USP49: variants seen among roughly 807,000 people sequenced by gnomAD.
The protein encoded by USP49 is ubiquitin specific peptidase 49.
In USP49, 24 loss-of-function variants were observed where a neutral mutation model predicts 58.6. That is an observed-to-expected ratio of 0.41 (90% CI 0.30 to 0.58). The LOEUF (loss-of-function observed/expected upper bound fraction) is 0.58, where lower values mean the gene tolerates loss of function less well. USP49 is among the 20% of genes least tolerant of loss of function. USP49 has a pLI of 0.30. For missense variants in USP49, 703 were observed against 866.1 expected (o/e 0.81, Z 2.36); for synonymous variants, 408 against 365.1 (o/e 1.12, Z -1.34).
intron 3 of USP49, among the ~76,000 whole-genome samples, chr6:41,821,740 C>T (rs1773456596): frequency 6.6e-6 from 1 of 152,122 alleles, no homozygotes; most frequent in Non-Finnish European, 1.5e-5. Flanking sequence ...CACCACTGCA[C>T]TCCTGATTTT....
In USP49 at chr6:41,817,150, C is replaced by CTTTTTTTTTTTT. The variant is rs34281670; in HGVS notation, c.-28-10151_-28-10140dup. 7.0e-3 allele frequency among the ~76,000 whole-genome samples: 734 copies of CTTTTTTTTTTTT among 104,290 alleles called. 83 individuals are homozygous for CTTTTTTTTTTTT. The highest frequency in any genetic ancestry group is 0.031 in the African/African-American group (697 of 22,510). 68.4% of individuals were successfully genotyped at this position (104,290 alleles called of 152,430 possible). ...CCACCACGCCTGGCTCCCACGCATG[C>CTTTTTTTTTTTT]TTTTTTTTTTTTTTTTTGAGACAGA... On this transcript the variant is annotated intron_variant, in intron 3 of 7. Coordinates refer to ENST00000682992, the MANE Select transcript of USP49 (RefSeq NM_001286554.2).
rs142908633 is a variant in USP49 at position 41,798,824 on chromosome 6, G to C, written c.1776C>G (p.Asp592Glu). ...YCCRDMLSSLDKETFAYDLSA... is the reference protein window; with the variant it reads ...YCCRDMLSSLEKETFAYDLSA... Reference sequence around the variant, plus strand: ...AGAGATCATAGGCAAAGGTCTCTTTGTCAAGAGAGGAGAGCATGTCCCTGC... The same window carrying C: ...AGAGATCATAGGCAAAGGTCTCTTTCTCAAGAGAGGAGAGCATGTCCCTGC... The change falls in exon 7 of 8, where the codon GAC (aspartate) becomes GAG (glutamate). Residue 592 changes from aspartate to glutamate, a missense_variant. Asp to Glu is a conservative substitution (Grantham distance 45). This residue lies in a region of USP49 where 158 missense variants were observed against 241.2 expected (regional missense o/e 0.66). Coordinates refer to ENST00000682992, the MANE Select transcript of USP49 (RefSeq NM_001286554.2). 4.0e-5 allele frequency: 65 copies of C among 1,613,812 alleles called. No individual in the cohort carries two copies. The highest frequency in any genetic ancestry group is 5.4e-5 in the Non-Finnish European group (64 of 1,180,002).
At chr6:41,837,617 G>C (rs1300239333) in intron 3 of USP49, among the ~76,000 whole-genome samples, 1 of 152,052 alleles carries the variant, frequency 6.6e-6, no homozygotes, top group Non-Finnish European at 1.5e-5. Flanking sequence ...CCTAATTAAA[G>C]AGCATAGCAA....
At chr6:41,812,064 C>T (rs1300272221) in intron 3 of USP49, among the ~76,000 whole-genome samples, 2 of 151,814 alleles carry the variant, frequency 1.3e-5, no homozygotes, top group Non-Finnish European at 2.9e-5. Flanking sequence ...CCTGGAGAGG[C>T]TTCTAAAATC....
At position 41,799,874 on chromosome 6, in the gene USP49, G is replaced by C. The variant is rs1225935053; in HGVS notation, c.1626C>G (p.Ile542Met). The C allele has an allele frequency of 2.5e-6, 4 of 1,614,034 alleles. No individual in the cohort carries two copies. The highest frequency in any genetic ancestry group is 3.4e-6 in the Non-Finnish European group (4 of 1,180,008). The change falls in exon 6 of 8, where the codon ATC becomes ATG. Residue 542 changes from isoleucine (I) to methionine (M), a missense_variant. By Grantham distance (10) the Ile-to-Met change is conservative. Coordinates refer to ENST00000682992, the MANE Select transcript of USP49 (RefSeq NM_001286554.2). ...GCCGGAGAACCTGAGGTAGTCTGTA[G>C]ATCATTAACTGCTTTCTAGCTTCAC... ...VLSEARKQLM[I>M]YRLPQVLRLH...
In USP49 at chr6:41,806,304, G is replaced by A. The variant is rs1227449927; in HGVS notation, c.680C>T (p.Ala227Val). 1.9e-6 allele frequency: 3 copies of A among 1,585,570 alleles called. No individual in the cohort carries two copies. The highest frequency in any genetic ancestry group is 2.2e-5 in the South Asian group (2 of 89,538). The stretch of plus-strand genomic sequence containing the variant: ...CACTCTGCGTGAGGTAGGGAGGGCG[G>A]CGGGGCGCGAGGCAGCCGGGCCCGC... ...RDAGPAASRPAALPTSRRVPA... is the reference protein window; with the variant it reads ...RDAGPAASRPVALPTSRRVPA... Residue 227 changes from alanine (A) to valine (V), a missense_variant, in exon 4 of 8, where the codon GCC becomes GTC. Ala to Val is a moderately conservative substitution (Grantham distance 64). Around this residue, in one of 6 missense-constraint regions of USP49, gnomAD observed 376 missense variants for 373.5 expected, o/e 1.01. Coordinates refer to ENST00000682992, the MANE Select transcript of USP49 (RefSeq NM_001286554.2). This position sits in a 1 kb window ranked among gnomAD's most constrained non-coding sequence, Gnocchi z 5.9.
chr6:41,885,874 A>G (rs747406483), intron 2 of USP49, among the ~76,000 whole-genome samples: 2 of 152,084 alleles, frequency 1.3e-5, no homozygotes, highest in Non-Finnish European at 2.9e-5. Context: ...ACTGGGCCCA[A>G]TTTGGGATTT....
At chr6:41,805,367 A>T (rs938906130) in intron 4 of USP49, among the ~76,000 whole-genome samples, 6 of 152,192 alleles carry the variant, frequency 3.9e-5, no homozygotes, top group African/African-American at 1.4e-4. Flanking sequence ...CCCTATCTTC[A>T]ATAACAATTA....
intron 7 of USP49, chr6:41,797,678 A>G: frequency 2.0e-6 from 2 of 985,898 alleles, no homozygotes; most frequent in Non-Finnish European, 2.4e-6. Context: ...AGCTGCGGCT[A>G]GTGAGATTCA....
chr6:41,893,522 C>T (rs1208727436), intron 1 of USP49, among the ~76,000 whole-genome samples: 1 of 152,138 alleles, frequency 6.6e-6, no homozygotes, highest in Admixed American at 6.6e-5. Flanking sequence ...AAAACACAGC[C>T]CAGCACTTGT....
chr6:41,854,549 C>T (rs996693069), intron 3 of USP49, among the ~76,000 whole-genome samples: 2 of 152,052 alleles, frequency 1.3e-5, no homozygotes, highest in African/African-American at 4.8e-5. Flanking sequence ...CTATTTTGTT[C>T]TTGGGAAACA....
chr6:41,840,245 G>C (rs943462927), intron 3 of USP49, among the ~76,000 whole-genome samples: 2 of 151,394 alleles, frequency 1.3e-5, no homozygotes, highest in African/African-American at 4.9e-5. Context: ...ATGGTGGTGG[G>C]CGCCTGTAAT....
chr6:41,799,816 C>T lies in USP49; in HGVS notation c.1670+14G>A. 14 of 1,612,496 alleles carry T rather than the reference C, an allele frequency of 8.7e-6. No individual in the cohort carries two copies. Among genetic ancestry groups the T allele is most frequent in the Non-Finnish European group, 1.2e-5 (14 of 1,178,614 alleles). On this transcript the variant is annotated intron_variant, in intron 6 of 7. Transcript: ENST00000682992. ...ACAGCTCTCACCCAGCTGGGACTCCCACAGCAAGCTCACCTGAATCTTTTA... is the reference window on the plus strand; with the variant it reads ...ACAGCTCTCACCCAGCTGGGACTCCTACAGCAAGCTCACCTGAATCTTTTA...
At chr6:41,889,322 C>T (rs182639584) in intron 2 of USP49, among the ~76,000 whole-genome samples, 158 of 152,252 alleles carry the variant, frequency 1.0e-3, no homozygotes, top group Non-Finnish European at 1.9e-3. Context: ...TATGAGCCAC[C>T]GCACGCAGCC....
intron 3 of USP49, among the ~76,000 whole-genome samples, chr6:41,857,462 T>C (rs1238252975): frequency 6.6e-6 from 1 of 152,098 alleles, no homozygotes; most frequent in African/African-American, 2.4e-5. Context: ...CTGGACAACA[T>C]GGCAAAATCC....
At position 41,847,353 on chromosome 6, in the gene USP49, C is replaced by G. The variant is rs115689569; in HGVS notation, c.-29+24211G>C. 5.8e-3 allele frequency among the ~76,000 whole-genome samples: 879 copies of G among 152,190 alleles called. 9 individuals carry two copies. The highest frequency in any genetic ancestry group is 0.02 in the African/African-American group (833 of 41,514). On this transcript the variant is annotated intron_variant, in intron 3 of 7. Transcript: ENST00000682992. Reference sequence around the variant, plus strand: ...AAAGATCCAAACAGAAATTCTGGACCTTGAAAAATTCAATAACTGAACTGA... The same window carrying G: ...AAAGATCCAAACAGAAATTCTGGACGTTGAAAAATTCAATAACTGAACTGA...
intron 3 of USP49, among the ~76,000 whole-genome samples, chr6:41,817,321 T>C (rs1773372852): frequency 6.7e-6 from 1 of 149,922 alleles, no homozygotes; most frequent in African/African-American, 2.5e-5. Flanking sequence ...CTAATTTTTG[T>C]ATTTTGAGTA....
intron 3 of USP49, among the ~76,000 whole-genome samples, chr6:41,835,585 G>A (rs1773709720): frequency 6.6e-6 from 1 of 151,912 alleles, no homozygotes; most frequent in Non-Finnish European, 1.5e-5. Context: ...ATGTTGGCAG[G>A]CACCTGTAGT....
At chr6:41,890,863 T>C (rs1027016782) in intron 2 of USP49, among the ~76,000 whole-genome samples, 9 of 152,204 alleles carry the variant, frequency 5.9e-5, no homozygotes, top group African/African-American at 2.2e-4. Flanking sequence ...ACTATAAATG[T>C]GTCATAGTAT....
Sources: allele counts gnomAD v4.1 joint callset (sites outside exome capture counted in the v4.1 genomes callset), GRCh38; gene constraint gnomAD v4.1.1; regional missense constraint gnomAD v4.1.1; non-coding constraint Gnocchi (gnomAD v3.1); transcripts MANE v1.5; gene names NCBI Gene and HGNC (gene_info 2026-07-23, HGNC 2026-07-21).